The following RAB8B variants were observed in gnomAD, a reference collection of about 807,000 sequenced individuals.
RAB8B encodes the protein ras-related protein Rab-8B.
Under a neutral mutation model 32.0 loss-of-function variants are expected in RAB8B, and 11 were observed. That is an observed-to-expected ratio of 0.34 (90% CI 0.22 to 0.57). The LOEUF (loss-of-function observed/expected upper bound fraction) is 0.57. RAB8B is among the 20% of genes least tolerant of loss of function. RAB8B has a pLI of 0.86. For synonymous variants in RAB8B, 103 were observed against 89.6 expected, an observed-to-expected ratio of 1.15 and a Z score of -0.85; for missense variants, 190 against 258.5, an observed-to-expected ratio of 0.73 and a Z score of 1.82.
intron 3 of RAB8B, among the ~76,000 whole-genome samples, chr15:63,254,629 T>C (rs2038145075): frequency 6.6e-6 from 1 of 152,046 alleles, no homozygotes; most frequent in African/African-American, 2.4e-5. Flanking sequence ...ATACCAGACA[T>C]GGGCTGGGCG....
chr15:63,261,592 T>G (rs2038203974), intron 6 of RAB8B, among the ~76,000 whole-genome samples: 1 of 152,256 alleles, frequency 6.6e-6, no homozygotes, highest in Non-Finnish European at 1.5e-5. Context: ...CCTGAGCTGC[T>G]TATTCTAGCA....
chr15:63,245,719 G>T (rs1238912097), intron 2 of RAB8B, among the ~76,000 whole-genome samples: 1 of 152,168 alleles, frequency 6.6e-6, no homozygotes, highest in Non-Finnish European at 1.5e-5. Context: ...GGGAACAGAA[G>T]TGTTTCCGAT....
chr15:63,246,053 C>T (rs1409329768), intron 2 of RAB8B, among the ~76,000 whole-genome samples: 1 of 151,970 alleles, frequency 6.6e-6, no homozygotes, highest in African/African-American at 2.4e-5. Flanking sequence ...TTTGTATTTT[C>T]AGTAGAAACG....
chr15:63,216,532 A>G (rs2037793779), intron 1 of RAB8B, among the ~76,000 whole-genome samples: 2 of 151,194 alleles, frequency 1.3e-5, no homozygotes, highest in South Asian at 2.1e-4. Flanking sequence ...CCTGGCCTCA[A>G]TCCAACTTTT....
At chr15:63,200,184 C>G (rs889353117) in intron 1 of RAB8B, among the ~76,000 whole-genome samples, 5 of 152,170 alleles carry the variant, frequency 3.3e-5, no homozygotes, top group African/African-American at 1.2e-4. Flanking sequence ...TTGTCCTTTT[C>G]TTTCTTCAGT....
rs200451048 is a variant in RAB8B at position 63,223,336 on chromosome 15, TC to T, written c.125-21418del. On this transcript the variant is annotated intron_variant, in intron 1 of 7. Transcript: ENST00000321437. ...TGTATTGGCCAGGCTGGTCTCGAAC[TC>T]CTGACCTCAGGTGATCCACTTGCCT... 1.0e-3 allele frequency among the ~76,000 whole-genome samples: 159 copies of T among 152,294 alleles called. 4 individuals are homozygous for T. The East Asian group carries it at 0.027, about 26-fold the overall frequency.
chr15:63,249,741 A>G (rs1490191767), intron 3 of RAB8B, 36 bp downstream of exon 3: 1 of 1,581,036 alleles, frequency 6.3e-7, no homozygotes, highest in Non-Finnish European at 8.7e-7. Context: ...CTCTTCAGGT[A>G]GAAGTAAAGC....
intron 1 of RAB8B, among the ~76,000 whole-genome samples, chr15:63,204,510 A>G (rs554854730): frequency 2.6e-5 from 4 of 152,336 alleles, no homozygotes; most frequent in African/African-American, 7.2e-5. Context: ...TTCTAGTTCA[A>G]TACCCTCTGT....
At chr15:63,193,312 G>A (rs1171818756) in intron 1 of RAB8B, among the ~76,000 whole-genome samples, 1 of 152,112 alleles carries the variant, frequency 6.6e-6, no homozygotes, top group African/African-American at 2.4e-5. Flanking sequence ...TGCTCTTTGA[G>A]GGGTGTTGGA....
intron 1 of RAB8B, among the ~76,000 whole-genome samples, chr15:63,196,315 A>T (rs116930879): frequency 6.6e-6 from 1 of 152,328 alleles, no homozygotes; most frequent in Non-Finnish European, 1.5e-5. Context: ...CCTTTATCAG[A>T]GCTGGTATTG....
intron 1 of RAB8B, among the ~76,000 whole-genome samples, chr15:63,211,254 G>A (rs1213951871): frequency 2.0e-5 from 3 of 152,096 alleles, no homozygotes; most frequent in Non-Finnish European, 4.4e-5. Context: ...TTTGTAGATC[G>A]GAAGTATAGA....
chr15:63,262,916 C>T (rs887477870), intron 7 of RAB8B, 174 bp downstream of exon 7: 2 of 268,232 alleles, frequency 7.5e-6, no homozygotes, highest in Non-Finnish European at 7.3e-6. Flanking sequence ...TATTTCTGAG[C>T]TGCCACTGTT....
chr15:63,228,120 A>G (rs1445846511), intron 1 of RAB8B, among the ~76,000 whole-genome samples: 3 of 152,126 alleles, frequency 2.0e-5, no homozygotes, highest in Non-Finnish European at 4.4e-5. Flanking sequence ...AGGCTCAAGC[A>G]ATTCTCCCAC....
intron 1 of RAB8B, among the ~76,000 whole-genome samples, chr15:63,220,378 T>G (rs1216857818): frequency 6.6e-6 from 1 of 152,202 alleles, no homozygotes; most frequent in African/African-American, 2.4e-5. Context: ...GAATGTTCTT[T>G]AGGCCGGTGT....
chr15:63,214,252 G>A (rs1207328174), intron 1 of RAB8B, among the ~76,000 whole-genome samples: 1 of 148,342 alleles, frequency 6.7e-6, no homozygotes, highest in Non-Finnish European at 1.5e-5. Flanking sequence ...CAACAGTGTT[G>A]AATTCCTTGG....
Position 63,263,565 on chromosome 15 carries a change from A to G in RAB8B, c.570A>G (p.Lys190=). ...SNSAGAGGPV[K]ITENRSKKTS... ...CAGCAGGAGCAGGTGGACCAGTGAA[A>G]ATAACAGAAAACCGATCAAAGAAGA... Residue 190 remains lysine (K), a synonymous_variant, in exon 8 of 8, where the codon AAA becomes AAG. Coordinates refer to ENST00000321437, the MANE Select transcript of RAB8B (RefSeq NM_016530.3). The G allele has an allele frequency of 6.2e-7, 1 of 1,613,114 alleles. No homozygotes were observed. The highest frequency in any genetic ancestry group is 8.5e-7 in the Non-Finnish European group (1 of 1,179,036).
chr15:63,190,854 C>T (rs975273468), intron 1 of RAB8B, among the ~76,000 whole-genome samples: 2 of 152,184 alleles, frequency 1.3e-5, no homozygotes, highest in African/African-American at 4.8e-5. Flanking sequence ...TGCTTTGGTT[C>T]TAATTATTGT....
At chr15:63,245,794 C>A (rs1036827115) in intron 2 of RAB8B, among the ~76,000 whole-genome samples, 1 of 152,174 alleles carries the variant, frequency 6.6e-6, no homozygotes, top group East Asian at 1.9e-4. Context: ...GGATGGGACC[C>A]AAGTCTAAAC....
chr15:63,250,053 G>A (rs571073845), intron 3 of RAB8B, among the ~76,000 whole-genome samples: 2 of 152,172 alleles, frequency 1.3e-5, no homozygotes, highest in East Asian at 1.9e-4. Flanking sequence ...GGAGAATGGC[G>A]TGAACCCAGG....
Sources: gnomAD v4.1 joint callset for allele counts (sites outside exome capture counted in the v4.1 genomes callset) on GRCh38, gnomAD v4.1.1 for gene constraint, MANE v1.5 for transcripts, NCBI Gene and HGNC (gene_info 2026-07-23, HGNC 2026-07-21) for gene names.